Variants in SRC observed in about 807,000 individuals in gnomAD.
SRC encodes the protein proto-oncogene tyrosine-protein kinase Src.
A neutral mutation model predicts 62.9 loss-of-function variants in SRC; 13 were observed. That is an observed-to-expected ratio of 0.21 (90% CI 0.13 to 0.33). SRC has a LOEUF of 0.33. Ranked by LOEUF, SRC falls within the 10% of genes least tolerant of loss-of-function variation. SRC has a pLI of 1.00. For synonymous variants in SRC, 302 were observed against 317.5 expected (o/e 0.95, Z 0.52); for missense variants, 457 against 737.3 (o/e 0.62, Z 4.40).
chr20:37,386,592 C>T (rs1262080357), intron 5 of SRC: 10 of 678,836 alleles, frequency 1.5e-5, no homozygotes, highest in African/African-American at 3.5e-5. Flanking sequence ...CTTGGCTGCT[C>T]CTCACCTCCC....
intron 5 of SRC, among the ~76,000 whole-genome samples, chr20:37,386,696 T>C (rs3790150): frequency 0.26 from 39,838 of 152,028 alleles, 7,274 homozygotes; most frequent in African/African-American, 0.52. Flanking sequence ...CTCCTGCACA[T>C]CTCCTCCCCA....
At chr20:37,345,912 C>T (rs1334881624), upstream of SRC, among the ~76,000 whole-genome samples, 1 of 152,052 alleles carries the variant, frequency 6.6e-6, no homozygotes, top group African/African-American at 2.4e-5. Context: ...CCCGGTGTCC[C>T]CACCCCGCCC....
At chr20:37,394,091 G>A (rs893781787) in intron 6 of SRC, 83 bp from the exon 7 acceptor site, 18 of 1,541,854 alleles carry the variant, frequency 1.2e-5, no homozygotes, top group Admixed American at 6.7e-5. Context: ...GCTGTCCAGC[G>A]CCCCAGCCAT....
intron 5 of SRC, among the ~76,000 whole-genome samples, chr20:37,392,110 C>A (rs1469529440): frequency 6.6e-6 from 1 of 152,070 alleles, no homozygotes; most frequent in Non-Finnish European, 1.5e-5. Flanking sequence ...TGCCTCCTTA[C>A]TCCCGGGCCC....
chr20:37,392,132 AC>A (rs1212753258), intron 5 of SRC, among the ~76,000 whole-genome samples: 2 of 151,756 alleles, frequency 1.3e-5, no homozygotes, highest in African/African-American at 4.8e-5. Flanking sequence ...CCCTCCAGTG[AC>A]CCCATATGGC....
intron 1 of SRC, among the ~76,000 whole-genome samples, chr20:37,350,890 T>C (rs542108342): frequency 6.6e-6 from 1 of 152,212 alleles, no homozygotes; most frequent in East Asian, 1.9e-4. Context: ...GAGTATTGTA[T>C]GTGTGCCATG....
chr20:37,379,091 G>C (rs2070322444), intron 2 of SRC, among the ~76,000 whole-genome samples: 1 of 152,228 alleles, frequency 6.6e-6, no homozygotes, highest in East Asian at 1.9e-4. Flanking sequence ...CACTGGGAAC[G>C]CCGAGGGAAA....
chr20:37,368,518 C>CTTTTTTTTTTTTTTGTTTTTTTTTT (rs2070102489), intron 2 of SRC, among the ~76,000 whole-genome samples: 1 of 73,898 alleles, frequency 1.4e-5, no homozygotes, highest in Non-Finnish European at 2.7e-5. Context: ...CCTATATTTT[C>CTTTTTTTTTTTTTTGTTTTTTTTTT]TTTTTTTTTT....
At chr20:37,379,942 T>TGGGGAA (rs2070339243) in intron 2 of SRC, among the ~76,000 whole-genome samples, 1 of 51,468 alleles carries the variant, frequency 1.9e-5, no homozygotes, top group Non-Finnish European at 4.2e-5. Context: ...GAGCTTGGAG[T>TGGGGAA]AAAAAAAAAA....
intron 2 of SRC, among the ~76,000 whole-genome samples, chr20:37,380,255 G>C (rs545081078): frequency 6.6e-6 from 1 of 152,252 alleles, no homozygotes; most frequent in African/African-American, 2.4e-5. Context: ...CCATCTGGCT[G>C]CTTTGTGAGA....
intron 1 of SRC, among the ~76,000 whole-genome samples, chr20:37,358,758 C>T (rs1012067056): frequency 6.6e-6 from 1 of 152,356 alleles, no homozygotes; most frequent in South Asian, 2.1e-4. Flanking sequence ...TCCGTGGCCC[C>T]CCTGCTGGGC....
At chr20:37,395,941 C>T (rs968586751) in intron 7 of SRC, among the ~76,000 whole-genome samples, 1 of 152,210 alleles carries the variant, frequency 6.6e-6, no homozygotes, top group Non-Finnish European at 1.5e-5. Flanking sequence ...CTTGCTGGGG[C>T]CAAGGGTGCG....
chr20:37,403,399 G>T lies in SRC; in HGVS notation c.*20G>T, dbSNP rs1199680840. The T allele has an allele frequency of 1.3e-6, 2 of 1,549,578 alleles. No homozygotes were observed. The highest frequency in any genetic ancestry group is 8.7e-7 in the Non-Finnish European group (1 of 1,147,496). On this transcript the variant is annotated 3_prime_UTR_variant, in exon 14 of 14. Coordinates refer to ENST00000373578, the MANE Select transcript of SRC (RefSeq NM_198291.3). This position sits in a 1 kb window ranked among gnomAD's most constrained non-coding sequence, Gnocchi z 7.1. ...CTCTAGGCACAGGCGGGCCCAGACC[G>T]GCTTCTCGGCTTGGATCCTGGGCTG...
Position 37,403,436 on chromosome 20 carries a change from T to C in SRC, c.*57T>C, listed in dbSNP as rs1233452336. The C allele has an allele frequency of 1.3e-6, 2 of 1,502,018 alleles. No homozygotes were observed. The highest frequency in any genetic ancestry group is 1.2e-5 in the South Asian group (1 of 81,370). 93.0% of individuals were successfully genotyped at this position (1,502,018 alleles called of 1,614,324 possible). On this transcript the variant is annotated 3_prime_UTR_variant, in exon 14 of 14. Coordinates refer to ENST00000373578, the MANE Select transcript of SRC (RefSeq NM_198291.3). This position sits in a 1 kb window ranked among gnomAD's most constrained non-coding sequence, Gnocchi z 7.1. ...TGGATCCTGGGCTGGGTGGCCCCTGTCTCGGGGCTTGCCCCACTCTGCCTG... is the reference window on the plus strand; with the variant it reads ...TGGATCCTGGGCTGGGTGGCCCCTGCCTCGGGGCTTGCCCCACTCTGCCTG...
At position 37,403,762 on chromosome 20, in the gene SRC, C is replaced by G. The variant is rs1198236184; in HGVS notation, c.*383C>G. 3 of 299,732 alleles carry G rather than the reference C, an allele frequency of 1.0e-5. No homozygotes were observed. Among genetic ancestry groups the G allele is most frequent in the Non-Finnish European group, 1.9e-5 (3 of 157,760 alleles). The allele number at this position is 299,732 out of a possible 1,614,324, so 18.6% of individuals were successfully genotyped here. On this transcript the variant is annotated 3_prime_UTR_variant, in exon 14 of 14. Coordinates refer to ENST00000373578, the MANE Select transcript of SRC (RefSeq NM_198291.3). The surrounding 1 kb of genome is among the most constrained non-coding windows in gnomAD (Gnocchi z 7.1). The stretch of plus-strand genomic sequence containing the variant: ...AACTCCTTCCCCACTTCTGTGCCAC[C>G]CCCGGTCTATGTCGAGAGCTGGCCA...
At chr20:37,362,002 G>A (rs2069981384) in intron 1 of SRC, among the ~76,000 whole-genome samples, 3 of 152,102 alleles carry the variant, frequency 2.0e-5, no homozygotes, top group African/African-American at 7.2e-5. Flanking sequence ...TAGAGATGCT[G>A]GGGTCTCTGT....
Position 37,403,989 on chromosome 20 carries a change from C to T in SRC, c.*610C>T. 1 of 236,726 alleles carries T rather than the reference C, an allele frequency of 4.2e-6. No homozygotes were observed. 14.7% of individuals were successfully genotyped at this position (236,726 alleles called of 1,614,324 possible). ...GATGAGTACCCCCTCAAACCCTGCC[C>T]TCCTTAGACCTGAGGGACCCTTCGA... On this transcript the variant is annotated 3_prime_UTR_variant, in exon 14 of 14. Coordinates refer to ENST00000373578, the MANE Select transcript of SRC (RefSeq NM_198291.3). The surrounding 1 kb of genome is among the most constrained non-coding windows in gnomAD (Gnocchi z 7.1).
chr20:37,376,989 C>G (rs2070288183), intron 2 of SRC, among the ~76,000 whole-genome samples: 1 of 152,230 alleles, frequency 6.6e-6, no homozygotes, highest in African/African-American at 2.4e-5. Context: ...CATCCCAGCT[C>G]TGCTGCACTC....
intron 5 of SRC, among the ~76,000 whole-genome samples, chr20:37,390,730 G>A (rs539418166): frequency 8.7e-4 from 132 of 152,192 alleles, no homozygotes; most frequent in African/African-American, 3.0e-3. Flanking sequence ...TATCCTGGGA[G>A]GGAGACATGC....
Sources: allele counts gnomAD v4.1 joint callset (sites outside exome capture counted in the v4.1 genomes callset), GRCh38; gene constraint gnomAD v4.1.1; non-coding constraint Gnocchi (gnomAD v3.1); transcripts MANE v1.5; gene names NCBI Gene and HGNC (gene_info 2026-07-23, HGNC 2026-07-21).